The following TSNARE1 variants were observed in gnomAD, a reference collection of about 807,000 sequenced individuals.
The protein encoded by TSNARE1 is t-SNARE domain containing 1.
Under a neutral mutation model 62.0 loss-of-function variants are expected in TSNARE1, and 49 were observed. That is an observed-to-expected ratio of 0.79 (90% CI 0.63 to 1.00). TSNARE1 has a LOEUF of 1.00. TSNARE1 is among the 50% of genes least tolerant of loss of function. The pLI is 0.00. For missense variants in TSNARE1, 755 were observed against 700.1 expected (o/e 1.08, Z -0.88); for synonymous variants, 328 against 294.4 (o/e 1.11, Z -1.17).
At chr8:142,335,728 G>A (rs1285966001) in intron 4 of TSNARE1, among the ~76,000 whole-genome samples, 1 of 152,192 alleles carries the variant, frequency 6.6e-6, no homozygotes. Context: ...AGCCGAAGAC[G>A]GCTCGTCCAC....
chr8:142,333,858 A>C (rs1831393359), intron 4 of TSNARE1, among the ~76,000 whole-genome samples: 2 of 152,224 alleles, frequency 1.3e-5, no homozygotes, highest in African/African-American at 4.8e-5. Flanking sequence ...CCAGGAAGGC[A>C]AGGCCTGAGG....
chr8:142,283,704 G>A lies in TSNARE1; in HGVS notation c.1363+709C>T, dbSNP rs181399301. Among the ~76,000 whole-genome samples, 619 of 150,068 alleles carry A rather than the reference G, an allele frequency of 4.1e-3. 1 individual carries two copies. Among genetic ancestry groups the A allele is most frequent in the Non-Finnish European group, 5.1e-3 (344 of 67,286 alleles). The stretch of plus-strand genomic sequence containing the variant: ...CCAGTGTCTGTCAATGAGCAGAGGC[G>A]GGGCCAGTGTCTGTCAATGAGCAGA... On this transcript the variant is annotated intron_variant, in intron 11 of 13. Transcript: ENST00000524325.
chr8:142,258,733 G>A (rs998409194), intron 12 of TSNARE1, among the ~76,000 whole-genome samples: 1 of 152,178 alleles, frequency 6.6e-6, no homozygotes, highest in Non-Finnish European at 1.5e-5. Context: ...GTTGGGCCAG[G>A]CTGGTCTCAA....
intron 10 of TSNARE1, among the ~76,000 whole-genome samples, chr8:142,294,864 C>G (rs1824418170): frequency 2.6e-5 from 4 of 152,262 alleles, no homozygotes. Context: ...AGCTCACACT[C>G]CCGGTGATGA....
At chr8:142,289,274 G>A (rs965660995) in intron 10 of TSNARE1, among the ~76,000 whole-genome samples, 58 of 152,188 alleles carry the variant, frequency 3.8e-4, no homozygotes, top group African/African-American at 1.4e-3. Flanking sequence ...TTCTTTTCTG[G>A]AAAATGGCTC....
chr8:142,270,461 A>G (rs1026958578), intron 12 of TSNARE1: 12 of 977,520 alleles, frequency 1.2e-5, no homozygotes, highest in Non-Finnish European at 1.5e-5. Context: ...AGCCCCATAC[A>G]GTACCAAGTA....
intron 13 of TSNARE1, among the ~76,000 whole-genome samples, chr8:142,221,462 G>C (rs894090667): frequency 6.6e-6 from 1 of 152,216 alleles, no homozygotes; most frequent in African/African-American, 2.4e-5. Flanking sequence ...GACCTGCTAT[G>C]CTCCTCCACT....
chr8:142,391,397 T>C (rs1409517245), intron 1 of TSNARE1, among the ~76,000 whole-genome samples: 1 of 151,932 alleles, frequency 6.6e-6, no homozygotes, highest in East Asian at 1.9e-4. Flanking sequence ...ACAGATGCTG[T>C]ACACTGCTGG....
intron 12 of TSNARE1, among the ~76,000 whole-genome samples, chr8:142,243,638 C>T (rs1489014449): frequency 3.9e-5 from 6 of 152,102 alleles, no homozygotes; most frequent in Non-Finnish European, 8.8e-5. Context: ...TTAAACGGTA[C>T]AAGGTTTCAA....
chr8:142,314,173 C>T (rs1369992601), intron 9 of TSNARE1, among the ~76,000 whole-genome samples: 1 of 152,240 alleles, frequency 6.6e-6, no homozygotes, highest in Non-Finnish European at 1.5e-5. Flanking sequence ...TGGCACCGTC[C>T]GCAGTCATTC....
chr8:142,318,918 A>C (rs1478551711), intron 6 of TSNARE1, among the ~76,000 whole-genome samples: 2 of 151,618 alleles, frequency 1.3e-5, no homozygotes. Context: ...GAGAAAGAGG[A>C]GGGGGCCCAA....
At position 142,346,509 on chromosome 8, in the gene TSNARE1, G is replaced by A. The variant is rs952682779; in HGVS notation, c.89-617C>T. ...TTTCATTGAAATTCATTGATCCTCA[G>A]ATGCACCTTATAAAAGCCTTTTAAA... On this transcript the variant is annotated intron_variant, in intron 2 of 13. Coordinates refer to ENST00000524325, the MANE Select transcript of TSNARE1 (RefSeq NM_145003.5). Among the ~76,000 whole-genome samples, 4 of 152,376 alleles carry A rather than the reference G, an allele frequency of 2.6e-5. No homozygotes were observed. The South Asian group carries it at 6.2e-4, about 24-fold the overall frequency.
intron 12 of TSNARE1, among the ~76,000 whole-genome samples, chr8:142,246,720 C>T (rs13248277): frequency 3.9e-5 from 6 of 152,124 alleles, no homozygotes; most frequent in African/African-American, 9.7e-5. Flanking sequence ...AAGTGAGATG[C>T]GCAGACACGG....
chr8:142,278,772 C>T (rs771522843), intron 11 of TSNARE1: 51 of 985,408 alleles, frequency 5.2e-5, no homozygotes, highest in East Asian at 1.1e-4. Flanking sequence ...TGAGAGTCAC[C>T]GGACAGCACC....
chr8:142,278,270 A>C, intron 11 of TSNARE1: 1 of 985,430 alleles, frequency 1.0e-6, no homozygotes, highest in African/African-American at 1.7e-5. Context: ...CATGGGTCCC[A>C]GCCTCATGCA....
At chr8:142,312,248 T>C (rs1827721318) in intron 9 of TSNARE1, among the ~76,000 whole-genome samples, 1 of 152,216 alleles carries the variant, frequency 6.6e-6, no homozygotes, top group South Asian at 2.1e-4. Context: ...ACCTATAAGC[T>C]GAGTGTCCAA....
intron 4 of TSNARE1, among the ~76,000 whole-genome samples, chr8:142,335,890 C>G (rs911186723): frequency 3.3e-5 from 5 of 152,220 alleles, no homozygotes; most frequent in African/African-American, 1.2e-4. Flanking sequence ...ATGAAGAATG[C>G]AGATGACAGG....
At chr8:142,338,090 G>T (rs866204982) in intron 4 of TSNARE1, among the ~76,000 whole-genome samples, 1 of 152,122 alleles carries the variant, frequency 6.6e-6, no homozygotes, top group Non-Finnish European at 1.5e-5. Context: ...AAAACAAAAC[G>T]AAACGTCAGC....
intron 12 of TSNARE1, chr8:142,271,431 C>T (rs940182453): frequency 1.6e-5 from 20 of 1,252,910 alleles, no homozygotes; most frequent in African/African-American, 9.3e-5. Context: ...TGCTCAAATG[C>T]GGACGTTTCA....
Sources: allele counts gnomAD v4.1 joint callset (sites outside exome capture counted in the v4.1 genomes callset), GRCh38; gene constraint gnomAD v4.1.1; transcripts MANE v1.5; gene names NCBI Gene and HGNC (gene_info 2026-07-23, HGNC 2026-07-21).